Variants in PLXNA4 observed in about 807,000 individuals in gnomAD.
PLXNA4 encodes the protein plexin A4.
A neutral mutation model predicts 191.8 loss-of-function variants in PLXNA4; 44 were observed. The ratio of observed to expected loss-of-function variants is 0.23; its 90% CI spans 0.18 to 0.29. The LOEUF is 0.29. Among genes scored for constraint, PLXNA4 ranks in the 10% least tolerant of loss-of-function variants. PLXNA4 has a pLI of 1.00. For missense variants in PLXNA4, 1,800 were observed against 2,488.8 expected (o/e 0.72, Z 5.89); for synonymous variants, 1,082 against 1,009.5 (o/e 1.07, Z -1.36).
Position 132,211,051 on chromosome 7 carries a change from G to A in PLXNA4, c.2190C>T (p.Pro730=), listed in dbSNP as rs1797783827. ...ITLKAKNLPQ[P]QSGQRGYECI... is the part of the protein sequence containing the mutation. ...ATTCGTAGCCACGCTGCCCAGACTG[G>A]GGCTGGGGGAGGTTCTTGGCCTTCA... The change falls in exon 10 of 32, where the codon CCC becomes CCT. Residue 730 remains proline (P), a synonymous_variant. Transcript: ENST00000321063. The A allele has an allele frequency of 1.2e-6, 2 of 1,613,068 alleles. No homozygotes were observed. The highest frequency in any genetic ancestry group is 1.3e-5 in the African/African-American group (1 of 74,930).
chr7:132,179,640 GCACACACGCACA>G, intron 20 of PLXNA4, 35 bp downstream of exon 20: 1 of 1,591,286 alleles, frequency 6.3e-7, no homozygotes, highest in Non-Finnish European at 8.6e-7. Flanking sequence ...ACACACATAT[GCACACACGCACA>G]CACACATGGC....
chr7:132,382,238 A>C (rs1404367289), intron 3 of PLXNA4, among the ~76,000 whole-genome samples: 1 of 152,182 alleles, frequency 6.6e-6, no homozygotes, highest in Middle Eastern at 3.2e-3. Flanking sequence ...GAGGGTTAAG[A>C]GCACAGCCAA....
At chr7:132,338,708 A>T (rs1170264611) in intron 3 of PLXNA4, among the ~76,000 whole-genome samples, 3 of 152,208 alleles carry the variant, frequency 2.0e-5, no homozygotes, top group African/African-American at 7.2e-5. Context: ...ACCACATTAT[A>T]AATATCAGGA....
chr7:132,278,110 G>C (rs1217657189), intron 4 of PLXNA4, among the ~76,000 whole-genome samples: 1 of 152,172 alleles, frequency 6.6e-6, no homozygotes, highest in Non-Finnish European at 1.5e-5. Context: ...CATGTGAAAA[G>C]AGTTATTTTC....
At chr7:132,225,478 C>T (rs1798284479) in intron 8 of PLXNA4, among the ~76,000 whole-genome samples, 2 of 152,208 alleles carry the variant, frequency 1.3e-5, no homozygotes, top group South Asian at 2.1e-4. Context: ...CACTGGGGCA[C>T]AGAAGGGTTG....
chr7:132,185,570 C>T, intron 15 of PLXNA4, 107 bp from the exon 16 acceptor site: 3 of 1,450,112 alleles, frequency 2.1e-6, no homozygotes, highest in Non-Finnish European at 2.7e-6. Flanking sequence ...TGCTCAGAGG[C>T]CATGGGTGGG....
At chr7:132,328,674 G>C (rs931787738) in intron 3 of PLXNA4, among the ~76,000 whole-genome samples, 1 of 152,224 alleles carries the variant, frequency 6.6e-6, no homozygotes, top group Non-Finnish European at 1.5e-5. Context: ...CAGAGCAGGA[G>C]AGCATGGGCT....
At chr7:132,296,611 T>G (rs1801091263) in intron 4 of PLXNA4, among the ~76,000 whole-genome samples, 1 of 152,212 alleles carries the variant, frequency 6.6e-6, no homozygotes, top group Non-Finnish European at 1.5e-5. Flanking sequence ...CTCTTATGTT[T>G]TAAGTCCCAG....
At chr7:132,587,165 C>T (rs953636515) in intron 2 of PLXNA4, among the ~76,000 whole-genome samples, 2 of 151,940 alleles carry the variant, frequency 1.3e-5, no homozygotes, top group African/African-American at 4.8e-5. Context: ...AGAGAGTGGC[C>T]GAGCCCAGAA....
chr7:132,461,080 G>GA (rs1470994345), intron 3 of PLXNA4, among the ~76,000 whole-genome samples: 5 of 152,094 alleles, frequency 3.3e-5, no homozygotes, highest in African/African-American at 9.7e-5. Flanking sequence ...ACTTTTTTCT[G>GA]AAAAAAATCA....
chr7:132,398,789 C>T (rs1260915085), intron 3 of PLXNA4, among the ~76,000 whole-genome samples: 1 of 152,194 alleles, frequency 6.6e-6, no homozygotes, highest in Non-Finnish European at 1.5e-5. Context: ...GCCCAGCCCT[C>T]GCCAGCTCGA....
At chr7:132,170,941 T>C (rs1182368807) in intron 21 of PLXNA4, among the ~76,000 whole-genome samples, 2 of 152,230 alleles carry the variant, frequency 1.3e-5, no homozygotes, top group African/African-American at 2.4e-5. Flanking sequence ...CAGCCCCTGC[T>C]GGCAAACCCC....
intron 3 of PLXNA4, among the ~76,000 whole-genome samples, chr7:132,475,708 G>A (rs1797098905): frequency 6.6e-6 from 1 of 151,964 alleles, no homozygotes; most frequent in Admixed American, 6.6e-5. Context: ...AGCGAGGTCA[G>A]CAAGCAAGAG....
chr7:132,499,447 G>T (rs1798159557), intron 2 of PLXNA4, among the ~76,000 whole-genome samples: 1 of 152,212 alleles, frequency 6.6e-6, no homozygotes, highest in Admixed American at 6.5e-5. Context: ...ACCTACTGGG[G>T]TGCCACCTCT....
intron 3 of PLXNA4, among the ~76,000 whole-genome samples, chr7:132,305,396 A>ACAC (rs1554409835): frequency 1.3e-5 from 2 of 149,868 alleles, no homozygotes; most frequent in African/African-American, 5.0e-5. Context: ...ACACACACAC[A>ACAC]CACACACACA....
At chr7:132,264,829 C>A (rs1160345853) in intron 4 of PLXNA4, among the ~76,000 whole-genome samples, 1 of 152,088 alleles carries the variant, frequency 6.6e-6, no homozygotes, top group East Asian at 1.9e-4. Context: ...TCCCAAGTAG[C>A]TGGGATTACA....
intron 3 of PLXNA4, among the ~76,000 whole-genome samples, chr7:132,443,733 T>C (rs1260474561): frequency 6.6e-6 from 1 of 152,232 alleles, no homozygotes; most frequent in East Asian, 1.9e-4. Flanking sequence ...TATTGAAGGA[T>C]TCAGCAGAGA....
At chr7:132,447,688 C>T (rs1246313999) in intron 3 of PLXNA4, among the ~76,000 whole-genome samples, 3 of 152,110 alleles carry the variant, frequency 2.0e-5, no homozygotes, top group African/African-American at 4.8e-5. Flanking sequence ...GAGCATCTCT[C>T]CTAAGTTTAA....
chr7:132,516,055 T>A (rs1235210557), intron 1 of PLXNA4, among the ~76,000 whole-genome samples: 1 of 152,196 alleles, frequency 6.6e-6, no homozygotes, highest in East Asian at 1.9e-4. Context: ...TAGCAGAGTA[T>A]ATGAGATGGC....
Sources: allele counts gnomAD v4.1 joint callset (sites outside exome capture counted in the v4.1 genomes callset), GRCh38; gene constraint gnomAD v4.1.1; transcripts MANE v1.5; gene names NCBI Gene and HGNC (gene_info 2026-07-23, HGNC 2026-07-21).